The following VIRMA variants were observed in gnomAD, a reference collection of about 807,000 sequenced individuals.
VIRMA encodes the protein vir like m6A methyltransferase associated, also known as protein virilizer homolog.
A neutral mutation model predicts 182.4 loss-of-function variants in VIRMA; 65 were observed. The ratio of observed to expected loss-of-function variants is 0.36; its 90% CI spans 0.29 to 0.44. The LOEUF is 0.44. Ranked by LOEUF, VIRMA falls within the 20% of genes least tolerant of loss-of-function variation. The pLI, the probability that VIRMA is intolerant of heterozygous loss-of-function variation, is 1.00. For synonymous variants in VIRMA, 709 were observed against 743.1 expected (o/e 0.95, Z 0.75); for missense variants, 1,752 against 2,158.1 (o/e 0.81, Z 3.73).
At chr8:94,500,430 C>T (rs1045972147) in intron 16 of VIRMA, among the ~76,000 whole-genome samples, 2 of 152,068 alleles carry the variant, frequency 1.3e-5, no homozygotes, top group South Asian at 2.1e-4. Context: ...ATGGAAAAAG[C>T]ATGGGTTCAA....
At position 94,506,666 on chromosome 8, in the gene VIRMA, C is replaced by G. The variant is rs1814163392; in HGVS notation, c.3931G>C (p.Glu1311Gln). 1.9e-6 allele frequency: 3 copies of G among 1,613,848 alleles called. No homozygotes were observed. Among genetic ancestry groups the G allele is most frequent in the Non-Finnish European group, 2.5e-6 (3 of 1,179,914 alleles). The change falls in exon 16 of 24, where the codon GAG becomes CAG. Residue 1311 changes from glutamate to glutamine, a missense_variant. Transcript: ENST00000297591. ...SSSEGSISEL[E>Q]QLSNSLPNKE... is the part of the protein sequence containing the mutation. ...TTTGGTAGAGAATTGGAGAGCTGCTCCAGTTCAGAAATAGAACCTTCAGAA... is the reference window on the plus strand; with the variant it reads ...TTTGGTAGAGAATTGGAGAGCTGCTGCAGTTCAGAAATAGAACCTTCAGAA...
chr8:94,490,030 A>G lies in VIRMA; in HGVS notation c.5193T>C (p.Asn1731=), dbSNP rs1813560255. 6.2e-7 allele frequency: 1 copy of G among 1,614,046 alleles called. No homozygotes were observed. The highest frequency in any genetic ancestry group is 1.3e-5 in the African/African-American group (1 of 74,924). The stretch of plus-strand genomic sequence containing the variant: ...TTTCATTGTAATTTCCTCGAGGAGT[A>G]TTCTGAGCACTCCAACTGGAGCCTC... The part of the protein sequence containing the change: ...GTRGSSWSAQ[N]TPRGNYNESR... Residue 1731 remains asparagine (N), a synonymous_variant, in exon 23 of 24, where the codon AAT becomes AAC. Coordinates refer to ENST00000297591, the MANE Select transcript of VIRMA (RefSeq NM_015496.5).
intron 5 of VIRMA, 105 bp downstream of exon 5, chr8:94,534,734 G>T: frequency 2.2e-6 from 3 of 1,350,742 alleles, no homozygotes; most frequent in Non-Finnish European, 3.0e-6. Context: ...TCCCTCTCAA[G>T]AAATAAAACA....
intron 2 of VIRMA, among the ~76,000 whole-genome samples, chr8:94,540,461 C>CTTT (rs963429701): frequency 1.5e-4 from 19 of 128,618 alleles, no homozygotes; most frequent in South Asian, 2.7e-4. Flanking sequence ...TTCTTCTTTT[C>CTTT]TTTTTTTTTT....
intron 1 of VIRMA, among the ~76,000 whole-genome samples, 182 bp downstream of exon 1, chr8:94,553,203 T>C (rs1217190930): frequency 2.6e-5 from 4 of 151,918 alleles, no homozygotes; most frequent in Non-Finnish European, 5.9e-5. Flanking sequence ...AGCAAGGAAA[T>C]GAAGGGGCTG....
chr8:94,544,675 A>AG (rs1815699261), intron 1 of VIRMA, among the ~76,000 whole-genome samples: 2 of 150,800 alleles, frequency 1.3e-5, no homozygotes, highest in African/African-American at 4.9e-5. Context: ...AAAAAAAAAA[A>AG]AAAAAGAAAA....
chr8:94,540,461 C>CTTTTTTTTTTTTT (rs963429701), intron 2 of VIRMA, among the ~76,000 whole-genome samples: 1 of 128,632 alleles, frequency 7.8e-6, no homozygotes, highest in Non-Finnish European at 1.7e-5. Flanking sequence ...TTCTTCTTTT[C>CTTTTTTTTTTTTT]TTTTTTTTTT....
chr8:94,489,730 T>C (rs916772394), intron 23 of VIRMA, among the ~76,000 whole-genome samples: 1 of 152,192 alleles, frequency 6.6e-6, no homozygotes, highest in East Asian at 1.9e-4. Flanking sequence ...CAATCAACTG[T>C]TTATGTTATC....
chr8:94,530,930 G>C (rs1393253526), intron 6 of VIRMA, 33 bp downstream of exon 6: 3 of 1,586,648 alleles, frequency 1.9e-6, no homozygotes, highest in Non-Finnish European at 2.6e-6. Context: ...TATTAACTAG[G>C]GGGGAAAACC....
At chr8:94,552,763 G>A (rs957479563) in intron 1 of VIRMA, among the ~76,000 whole-genome samples, 7 of 152,154 alleles carry the variant, frequency 4.6e-5, no homozygotes, top group Admixed American at 4.6e-4. Flanking sequence ...GATGTCTGCT[G>A]ATGAGTTTAA....
rs200991120 is a variant in VIRMA, at chr8:94,492,690, T to C, written c.4770A>G (p.Lys1590=). The C allele has an allele frequency of 1.7e-4, 282 of 1,614,046 alleles. 2 individuals are homozygous for C. In the Middle Eastern group the frequency reaches 3.5e-3, roughly 20 times the overall value. ...AGGTCTCATGCTTGTGCTTCCCAAG[T>C]TTGAATCCTTTAGTAGTCTTGGTTC... ...PGRTKTTKGF[K]LGKHKHETFI... The change falls in exon 21 of 24, where the codon AAA becomes AAG. Residue 1590 remains lysine (K), a synonymous_variant. Transcript: ENST00000297591.
Position 94,519,304 on chromosome 8 carries a change from T to G in VIRMA, c.2194A>C (p.Ile732Leu). Residue 732 changes from isoleucine to leucine, a missense_variant, in exon 9 of 24, where the codon ATC becomes CTC. Ile to Leu is a conservative substitution (Grantham distance 5). Coordinates refer to ENST00000297591, the MANE Select transcript of VIRMA (RefSeq NM_015496.5). ...TCATAAAAGTGACACAGAGCTCGGA[T>G]CAATAAATTTGTTGCTTCATATTCC... ...MSEYEATNLLIRALCHFYDQD... is the reference protein window; with the variant it reads ...MSEYEATNLLLRALCHFYDQD... 1.9e-6 allele frequency: 3 copies of G among 1,613,208 alleles called. No individual in the cohort carries two copies. Among genetic ancestry groups the G allele is most frequent in the Non-Finnish European group, 2.5e-6 (3 of 1,179,822 alleles).
At chr8:94,532,316 A>C (rs1815198926) in intron 5 of VIRMA, among the ~76,000 whole-genome samples, 1 of 152,206 alleles carries the variant, frequency 6.6e-6, no homozygotes, top group Non-Finnish European at 1.5e-5. Context: ...CATGTTGGCC[A>C]GGCTGGTCTC....
In VIRMA at chr8:94,500,648, G is replaced by T. The variant is rs1425662449; in HGVS notation, c.4098-1142C>A. 5.0e-5 allele frequency among the ~76,000 whole-genome samples: 7 copies of T among 140,356 alleles called. No individual in the cohort carries two copies. The East Asian group carries it at 1.6e-3, about 32-fold the overall frequency. 92.1% of individuals were successfully genotyped at this position (140,356 alleles called of 152,430 possible). A position where few individuals can be genotyped will look rare whatever the true frequency, so the allele number is the denominator to read the frequency against. On this transcript the variant is annotated intron_variant, in intron 16 of 23. Transcript: ENST00000297591. ...TATCTCTACTTTGGAAAACAGTTCG[G>T]TAGTTTCTTTTTTTTTTTTTTTTTT...
At position 94,538,681 on chromosome 8, in the gene VIRMA, C is replaced by T. The variant is rs186067639; in HGVS notation, c.180-335G>A. Among the ~76,000 whole-genome samples the T allele has an allele frequency of 4.6e-5, 7 of 152,162 alleles. No individual in the cohort carries two copies. The East Asian group carries it at 1.4e-3, about 29-fold the overall frequency. ...TGGAGTGCAATGGCAGGCATGATCTCGGCTCACTGCAACCTCTACTCTTGG... is the reference window on the plus strand; with the variant it reads ...TGGAGTGCAATGGCAGGCATGATCTTGGCTCACTGCAACCTCTACTCTTGG... On this transcript the variant is annotated intron_variant, in intron 2 of 23. Transcript: ENST00000297591.
chr8:94,508,908 C>T (rs994927874), intron 15 of VIRMA, among the ~76,000 whole-genome samples: 2 of 152,034 alleles, frequency 1.3e-5, no homozygotes, highest in Non-Finnish European at 2.9e-5. Flanking sequence ...TCATAATGGG[C>T]TTTAAAAGCT....
At chr8:94,548,238 T>A (rs12114828) in intron 1 of VIRMA, among the ~76,000 whole-genome samples, 4,023 of 150,330 alleles carry the variant, frequency 0.027, 440 homozygotes, top group African/African-American at 0.095. Context: ...TTTAAAAAAA[T>A]AAGCTTACTT....
chr8:94,491,328 CG>C (rs1813602164), intron 22 of VIRMA, among the ~76,000 whole-genome samples: 2 of 151,370 alleles, frequency 1.3e-5, no homozygotes, highest in African/African-American at 4.9e-5. Context: ...AAAAAAAGGC[CG>C]GGGGGAATAA....
rs769700738 is a variant in VIRMA, at chr8:94,543,809, A to T, written c.179+18T>A. 7.4e-7 allele frequency: 1 copy of T among 1,345,302 alleles called. No homozygotes were observed. Among genetic ancestry groups the T allele is most frequent in the South Asian group, 1.3e-5 (1 of 79,308 alleles). The allele number at this position is 1,345,302 out of a possible 1,614,324, so 83.3% of individuals were successfully genotyped here. ...AATCTTTAACCAAAAAATACTTTTAAAAAGAGAGTTGACTTACCCATATGC... is the reference window on the plus strand; with the variant it reads ...AATCTTTAACCAAAAAATACTTTTATAAAGAGAGTTGACTTACCCATATGC... On this transcript the variant is annotated intron_variant, in intron 2 of 23. Coordinates refer to ENST00000297591, the MANE Select transcript of VIRMA (RefSeq NM_015496.5).
Sources: gnomAD v4.1 joint callset for allele counts (sites outside exome capture counted in the v4.1 genomes callset) on GRCh38, gnomAD v4.1.1 for gene constraint, MANE v1.5 for transcripts, NCBI Gene and HGNC (gene_info 2026-07-23, HGNC 2026-07-21) for gene names.